ANO6: variants seen among roughly 807,000 people sequenced by gnomAD.
ANO6 encodes the protein anoctamin 6, also known as anoctamin-6.
In ANO6, 106 loss-of-function variants were observed where a neutral mutation model predicts 117.5. The ratio of observed to expected loss-of-function variants is 0.90; its 90% CI spans 0.77 to 1.06. The LOEUF (loss-of-function observed/expected upper bound fraction) is 1.06, where lower values mean the gene tolerates loss of function less well. Among genes scored for constraint, ANO6 ranks in the 50% least tolerant of loss-of-function variants. The pLI is 0.00. For synonymous variants in ANO6, 367 were observed against 385.1 expected, an observed-to-expected ratio of 0.95 and a Z score of 0.55; for missense variants, 955 against 1,121.1, an observed-to-expected ratio of 0.85 and a Z score of 2.12.
intron 2 of ANO6, among the ~76,000 whole-genome samples, chr12:45,329,216 C>T (rs10880774): frequency 0.45 from 68,122 of 151,940 alleles, 15,559 homozygotes; most frequent in South Asian, 0.65. Flanking sequence ...AGGCCAGTTC[C>T]GTTATTTGTT....
chr12:45,265,747 A>G (rs1237842709), intron 1 of ANO6, among the ~76,000 whole-genome samples: 1 of 152,124 alleles, frequency 6.6e-6, no homozygotes, highest in Non-Finnish European at 1.5e-5. Flanking sequence ...TATACTGTGT[A>G]GGGATAAAGC....
chr12:45,395,528 GACACA>G (rs1464365299), intron 12 of ANO6, among the ~76,000 whole-genome samples: 1 of 152,088 alleles, frequency 6.6e-6, no homozygotes, highest in Admixed American at 6.5e-5. Context: ...GCCTGGCAGA[GACACA>G]ACAAAAAAAG....
chr12:45,402,939 G>A (rs1592023032), intron 13 of ANO6, 133 bp from the exon 14 acceptor site: 1 of 881,912 alleles, frequency 1.1e-6, no homozygotes, highest in East Asian at 2.6e-5. Context: ...ATTCAAAACA[G>A]CTTAAATGGA....
chr12:45,324,095 G>T (rs571191155), intron 2 of ANO6, among the ~76,000 whole-genome samples: 3 of 151,850 alleles, frequency 2.0e-5, no homozygotes, highest in Admixed American at 2.0e-4. Context: ...GCACCACCAC[G>T]CCTGGCTAAT....
At chr12:45,320,637 A>C (rs558769708) in intron 2 of ANO6, among the ~76,000 whole-genome samples, 5 of 152,022 alleles carry the variant, frequency 3.3e-5, no homozygotes. Flanking sequence ...TATTAGGTCC[A>C]CTTGGTGCAG....
chr12:45,375,297 T>C (rs1486478742), intron 9 of ANO6, among the ~76,000 whole-genome samples: 2 of 152,220 alleles, frequency 1.3e-5, no homozygotes, highest in African/African-American at 4.8e-5. Flanking sequence ...ATTTGCAGAT[T>C]CAATGCCATC....
intron 13 of ANO6, 126 bp downstream of exon 13, chr12:45,402,146 A>C: frequency 2.6e-6 from 2 of 776,738 alleles, no homozygotes; most frequent in Non-Finnish European, 4.2e-6. Context: ...TCAAGTGTAA[A>C]CATATTTTCT....
At chr12:45,282,997 A>G (rs1293824879) in intron 1 of ANO6, among the ~76,000 whole-genome samples, 2 of 152,136 alleles carry the variant, frequency 1.3e-5, no homozygotes, top group Non-Finnish European at 2.9e-5. Flanking sequence ...TTTGTTCTGT[A>G]TATTATAGAC....
chr12:45,218,390 C>CTTTTTTTTTTTTTTTTT (rs76855973), intron 1 of ANO6, among the ~76,000 whole-genome samples: 4 of 110,134 alleles, frequency 3.6e-5, no homozygotes, highest in Admixed American at 9.5e-5. Flanking sequence ...CTTTCTTTCT[C>CTTTTTTTTTTTTTTTTT]TTTTTTTTTT....
intron 1 of ANO6, among the ~76,000 whole-genome samples, chr12:45,296,740 C>T (rs1187269118): frequency 1.3e-5 from 2 of 152,108 alleles, no homozygotes; most frequent in Non-Finnish European, 1.5e-5. Context: ...GGTTTAGATT[C>T]CCATTGTGTC....
chr12:45,335,817 A>T (rs1940808029), intron 3 of ANO6, among the ~76,000 whole-genome samples: 1 of 151,998 alleles, frequency 6.6e-6, no homozygotes, highest in South Asian at 2.1e-4. Flanking sequence ...TGCAGTTATG[A>T]TTTACTGTGT....
chr12:45,243,802 A>G (rs1320315081), intron 1 of ANO6, among the ~76,000 whole-genome samples: 1 of 152,168 alleles, frequency 6.6e-6, no homozygotes, highest in African/African-American at 2.4e-5. Flanking sequence ...TGCCCGCCTC[A>G]GCTTCCCAAA....
At chr12:45,272,205 T>TC (rs1259299731) in intron 1 of ANO6, among the ~76,000 whole-genome samples, 1 of 152,026 alleles carries the variant, frequency 6.6e-6, no homozygotes, top group East Asian at 1.9e-4. Context: ...TCTTTTCTTT[T>TC]TTTTTTGCTG....
intron 12 of ANO6, among the ~76,000 whole-genome samples, chr12:45,397,979 T>TA (rs5797943): frequency 0.95 from 143,753 of 151,088 alleles, 68,740 homozygotes; most frequent in Non-Finnish European, 1. Context: ...ACTTAAAGTA[T>TA]AAAAAAAAAC....
In ANO6 at chr12:45,365,292, G is replaced by C. The variant is rs565227196; in HGVS notation, c.999-2396G>C. Among the ~76,000 whole-genome samples, 4 of 152,068 alleles carry C rather than the reference G, an allele frequency of 2.6e-5. No homozygotes were observed. The East Asian group carries it at 7.7e-4, about 29-fold the overall frequency. On this transcript the variant is annotated intron_variant, in intron 8 of 19. Coordinates refer to ENST00000320560, the MANE Select transcript of ANO6 (RefSeq NM_001025356.3). ...CATGTCTTTCTTGGCCATGTGCACT[G>C]TCCTACACATGTGCATGGCCTTCTG... is the stretch of plus-strand genomic sequence containing the variant.
intron 2 of ANO6, among the ~76,000 whole-genome samples, chr12:45,302,490 G>C (rs547167593): frequency 6.6e-6 from 1 of 152,154 alleles, no homozygotes; most frequent in South Asian, 2.1e-4. Flanking sequence ...AGCGAACATA[G>C]TCTACTTTCC....
At chr12:45,427,550 C>T (rs765709297) in intron 19 of ANO6, among the ~76,000 whole-genome samples, 17 of 152,256 alleles carry the variant, frequency 1.1e-4, no homozygotes, top group South Asian at 8.3e-4. Flanking sequence ...CTTCAAAGTA[C>T]TCATCACTTT....
chr12:45,255,818 G>GGTTT (rs749001458), intron 1 of ANO6, among the ~76,000 whole-genome samples: 1 of 81,712 alleles, frequency 1.2e-5, no homozygotes, highest in African/African-American at 4.5e-5. Flanking sequence ...CTCCCTGGGT[G>GGTTT]TTTTTTTTTT....
intron 2 of ANO6, among the ~76,000 whole-genome samples, chr12:45,302,604 A>C (rs948831064): frequency 2.0e-5 from 3 of 152,190 alleles, no homozygotes; most frequent in African/African-American, 7.2e-5. Flanking sequence ...GCTCCCATTA[A>C]ATTGGACTCA....
Sources: gnomAD v4.1 joint callset for allele counts (sites outside exome capture counted in the v4.1 genomes callset) on GRCh38, gnomAD v4.1.1 for gene constraint, MANE v1.5 for transcripts, NCBI Gene and HGNC (gene_info 2026-07-23, HGNC 2026-07-21) for gene names.